Variants in KDM2A observed in about 807,000 individuals in gnomAD.
KDM2A encodes the protein lysine-specific demethylase 2A.
Under a neutral mutation model 137.3 loss-of-function variants are expected in KDM2A, and 3 were observed. The ratio of observed to expected loss-of-function variants is 0.02; its 90% confidence interval spans 0.01 to 0.06. KDM2A has a LOEUF of 0.06. Among genes scored for constraint, KDM2A ranks in the 10% least tolerant of loss-of-function variants. The pLI is 1.00. For synonymous variants in KDM2A, 512 were observed against 541.5 expected (o/e 0.95, Z 0.76); for missense variants, 738 against 1,510.6 (o/e 0.49, Z 8.48).
intron 5 of KDM2A, among the ~76,000 whole-genome samples, chr11:67,197,920 A>G (rs1021821727): frequency 2.0e-5 from 3 of 152,212 alleles, no homozygotes; most frequent in African/African-American, 7.2e-5. Context: ...TGGATGCCTT[A>G]TGGATAATGT....
chr11:67,148,093 G>C (rs1364722029), intron 2 of KDM2A, among the ~76,000 whole-genome samples: 1 of 152,046 alleles, frequency 6.6e-6, no homozygotes, highest in Non-Finnish European at 1.5e-5. Context: ...TCGCTGATTT[G>C]TTACAAGCAT....
At chr11:67,202,619 A>G (rs1420889563) in intron 5 of KDM2A, among the ~76,000 whole-genome samples, 3 of 152,008 alleles carry the variant, frequency 2.0e-5, no homozygotes, top group Admixed American at 1.3e-4. Context: ...AAAAATACAA[A>G]AAAAAAACTA....
chr11:67,237,729 C>T (rs1471583806), intron 12 of KDM2A, among the ~76,000 whole-genome samples: 25 of 151,950 alleles, frequency 1.6e-4, no homozygotes, highest in Admixed American at 1.6e-3. Flanking sequence ...AGGAGGATCA[C>T]TTAAGGCCAG....
At chr11:67,216,995 A>G (rs12293524) in intron 8 of KDM2A, among the ~76,000 whole-genome samples, 18,299 of 151,910 alleles carry the variant, frequency 0.12, 3,081 homozygotes, top group African/African-American at 0.38. Context: ...CTGTAATCCA[A>G]CACTTTGGGA....
At chr11:67,157,024 G>A (rs977049306) in intron 2 of KDM2A, among the ~76,000 whole-genome samples, 3 of 151,650 alleles carry the variant, frequency 2.0e-5, no homozygotes, top group Admixed American at 6.6e-5. Flanking sequence ...ATTAAAAGCT[G>A]GCTAATTGGC....
rs772977471 is a variant in KDM2A, at chr11:67,250,228, G to A, written c.2198G>A (p.Arg733Gln). The A allele has an allele frequency of 3.7e-6, 6 of 1,613,724 alleles. No homozygotes were observed. In the African/African-American group the frequency reaches 4.0e-5, roughly 11 times the overall value. The change falls in exon 17 of 21, where the codon CGG becomes CAG. Residue 733 changes from arginine to glutamine, a missense_variant. Arg to Gln is a conservative substitution (Grantham distance 43, BLOSUM62 1). Coordinates refer to ENST00000529006, the MANE Select transcript of KDM2A (RefSeq NM_012308.3). This position sits in a 1 kb window ranked among gnomAD's most constrained non-coding sequence, Gnocchi z 7.1. Reference sequence around the variant, plus strand: ...CTCATCCATGACCCGGTTTCCCCCCGGGGTATGGTGACTCGGTCATCCCCT... The same window carrying A: ...CTCATCCATGACCCGGTTTCCCCCCAGGGTATGGTGACTCGGTCATCCCCT... ...LQLIHDPVSP[R>Q]GMVTRSSPGA...
rs531400023 is a variant in KDM2A at position 67,232,921 on chromosome 11, G to A, written c.1479+961G>A. ...GATGGGGTTTCACCATGTTGGCCAGGCTGGTCTCGAACTCTTGACCTCAGG... is the reference window on the plus strand; with the variant it reads ...GATGGGGTTTCACCATGTTGGCCAGACTGGTCTCGAACTCTTGACCTCAGG... On this transcript the variant is annotated intron_variant, in intron 12 of 20. Transcript: ENST00000529006. Among the ~76,000 whole-genome samples the A allele has an allele frequency of 8.1e-4, 123 of 151,930 alleles. 1 individual carries two copies. The highest frequency in any genetic ancestry group is 1.4e-3 in the Admixed American group (21 of 15,246).
Position 67,250,760 on chromosome 11 carries a change from T to C in KDM2A, c.2730T>C (p.Leu910=), listed in dbSNP as rs1409109514. Residue 910 remains leucine, a synonymous_variant, in exon 17 of 21, where the codon CTT becomes CTC. Coordinates refer to ENST00000529006, the MANE Select transcript of KDM2A (RefSeq NM_012308.3). This position sits in a 1 kb window ranked among gnomAD's most constrained non-coding sequence, Gnocchi z 7.1. ...SVFRYLSRRE[L]CECMRVCKTW... is the part of the protein sequence containing the mutation. The stretch of plus-strand genomic sequence containing the variant: ...TCCGCTACCTCAGCCGCAGAGAACT[T>C]TGTGAATGTATGCGAGTGTGCAAGA... The C allele has an allele frequency of 1.3e-6, 2 of 1,543,350 alleles. No individual in the cohort carries two copies. The highest frequency in any genetic ancestry group is 2.5e-5 in the South Asian group (2 of 79,368).
chr11:67,168,914 T>C (rs1221341025), intron 2 of KDM2A, among the ~76,000 whole-genome samples: 1 of 151,936 alleles, frequency 6.6e-6, no homozygotes, highest in African/African-American at 2.4e-5. Flanking sequence ...AGTGGGGATT[T>C]GGTATATGTT....
In KDM2A at chr11:67,254,784, C is replaced by G; in HGVS notation, c.3308-90C>G. 1 of 1,247,736 alleles carries G rather than the reference C, an allele frequency of 8.0e-7. No individual in the cohort carries two copies. The highest frequency in any genetic ancestry group is 1.4e-5 in the South Asian group (1 of 71,938). The allele number at this position is 1,247,736 out of a possible 1,614,324, so 77.3% of individuals were successfully genotyped here. ...TGGGACAAAGAGGGCTTTTGTTTAG[C>G]ATTTTGAAGGAAAGACGGCTACAGG... On this transcript the variant is annotated intron_variant, in intron 20 of 20. Transcript: ENST00000529006. This position sits in a 1 kb window ranked among gnomAD's most constrained non-coding sequence, Gnocchi z 4.7.
intron 2 of KDM2A, among the ~76,000 whole-genome samples, chr11:67,149,417 C>T (rs1427797544): frequency 6.6e-6 from 1 of 152,042 alleles, no homozygotes; most frequent in African/African-American, 2.4e-5. Flanking sequence ...ATTCTCAAAG[C>T]TTAATACGTT....
At chr11:67,233,236 G>C (rs1484622560) in intron 12 of KDM2A, among the ~76,000 whole-genome samples, 1 of 150,880 alleles carries the variant, frequency 6.6e-6, no homozygotes, top group Non-Finnish European at 1.5e-5. Context: ...AAATTTAGGG[G>C]GGCCAGGCAC....
At chr11:67,164,483 T>A (rs1180310408) in intron 2 of KDM2A, among the ~76,000 whole-genome samples, 1 of 151,840 alleles carries the variant, frequency 6.6e-6, no homozygotes, top group African/African-American at 2.4e-5. Context: ...CTTTTTTTGT[T>A]GTTGTTGTTT....
intron 2 of KDM2A, among the ~76,000 whole-genome samples, chr11:67,138,752 G>A (rs550255993): frequency 6.6e-6 from 1 of 152,254 alleles, no homozygotes; most frequent in East Asian, 1.9e-4. Flanking sequence ...CTACATTCTT[G>A]GATCCTACCC....
chr11:67,224,051 A>G (rs1324012090), intron 10 of KDM2A, among the ~76,000 whole-genome samples: 2 of 152,194 alleles, frequency 1.3e-5, no homozygotes, highest in African/African-American at 2.4e-5. Context: ...CTAACTATGA[A>G]AAGTACATCT....
chr11:67,157,746 CA>C (rs34189357), intron 2 of KDM2A, among the ~76,000 whole-genome samples: 988 of 78,032 alleles, frequency 0.013, 8 homozygotes, highest in African/African-American at 0.034. Context: ...ACTCCGTCTC[CA>C]AAAAAAAAAA....
At chr11:67,234,839 T>C (rs1160851136) in intron 12 of KDM2A, among the ~76,000 whole-genome samples, 1 of 149,236 alleles carries the variant, frequency 6.7e-6, no homozygotes, top group Admixed American at 6.7e-5. Context: ...GGCAAAAGAG[T>C]GAGACCTTGT....
chr11:67,168,156 A>G (rs1226894154), intron 2 of KDM2A, among the ~76,000 whole-genome samples: 3 of 152,168 alleles, frequency 2.0e-5, no homozygotes, highest in African/African-American at 7.2e-5. Context: ...AGATACTGAT[A>G]AATCTAGTAA....
rs552339858 is a variant in KDM2A, at chr11:67,177,967, A to G, written c.43-2112A>G. Among the ~76,000 whole-genome samples, 11 of 152,332 alleles carry G rather than the reference A, an allele frequency of 7.2e-5. No individual in the cohort carries two copies. The South Asian group carries it at 2.3e-3, about 32-fold the overall frequency. ...ACTGTAATCTCATGGGAACACTGTC[A>G]TATATGTGCAGTTCATATATATTGA... On this transcript the variant is annotated intron_variant, in intron 2 of 20. Transcript: ENST00000529006.
Sources: gnomAD v4.1 joint callset for allele counts (sites outside exome capture counted in the v4.1 genomes callset) on GRCh38, gnomAD v4.1.1 for gene constraint, Gnocchi (gnomAD v3.1) non-coding constraint, MANE v1.5 for transcripts, NCBI Gene and HGNC (gene_info 2026-07-23, HGNC 2026-07-21) for gene names.